DIP2B: variants seen among roughly 807,000 people sequenced by gnomAD.
The protein encoded by DIP2B is DIP2 acetate--CoA ligase B (putative).
DIP2B carries 76 observed loss-of-function variants against 198.0 expected under a neutral mutation model. The observed-to-expected ratio is 0.38, with a 90% confidence interval of 0.32 to 0.46. The LOEUF (loss-of-function observed/expected upper bound fraction) is 0.46, where lower values mean the gene tolerates loss of function less well. Among genes scored for constraint, DIP2B ranks in the 20% least tolerant of loss-of-function variants. The pLI, the probability that DIP2B is intolerant of heterozygous loss-of-function variation, is 0.99. For synonymous variants in DIP2B, 701 were observed against 739.1 expected, an observed-to-expected ratio of 0.95 and a Z score of 0.84; for missense variants, 1,559 against 1,978.4, an observed-to-expected ratio of 0.79 and a Z score of 4.02.
chr12:50,556,933 C>A (rs916670327), intron 1 of DIP2B, among the ~76,000 whole-genome samples: 1 of 152,136 alleles, frequency 6.6e-6, no homozygotes, highest in African/African-American at 2.4e-5. Flanking sequence ...TGGTCTTGAA[C>A]TCCTGACCTC....
intron 1 of DIP2B, among the ~76,000 whole-genome samples, chr12:50,508,060 A>G (rs1957983650): frequency 6.6e-6 from 1 of 152,198 alleles, no homozygotes; most frequent in Non-Finnish European, 1.5e-5. Context: ...GCTGAAATGC[A>G]GGTTTGTGCC....
At chr12:50,570,050 A>G (rs1958599626) in intron 1 of DIP2B, among the ~76,000 whole-genome samples, 1 of 152,142 alleles carries the variant, frequency 6.6e-6, no homozygotes, top group Non-Finnish European at 1.5e-5. Flanking sequence ...TGATTCCTTT[A>G]TGAGAGATTC....
intron 5 of DIP2B, among the ~76,000 whole-genome samples, chr12:50,672,562 G>A (rs768947517): frequency 2.0e-5 from 3 of 152,156 alleles, no homozygotes; most frequent in Non-Finnish European, 2.9e-5. Flanking sequence ...TCATCCAACC[G>A]TATATTTTTC....
At chr12:50,608,686 C>T (rs1346675611) in intron 1 of DIP2B, among the ~76,000 whole-genome samples, 1 of 151,588 alleles carries the variant, frequency 6.6e-6, no homozygotes, top group African/African-American at 2.4e-5. Context: ...CACAGTCTAT[C>T]GATCAACTAG....
At chr12:50,688,009 G>A (rs1033220714) in intron 12 of DIP2B, among the ~76,000 whole-genome samples, 1 of 151,818 alleles carries the variant, frequency 6.6e-6, no homozygotes, top group Non-Finnish European at 1.5e-5. Flanking sequence ...TCAGGAGTTC[G>A]AGACCAGACT....
At chr12:50,605,890 C>T (rs942503544) in intron 1 of DIP2B, among the ~76,000 whole-genome samples, 2 of 152,200 alleles carry the variant, frequency 1.3e-5, no homozygotes, top group Non-Finnish European at 1.5e-5. Context: ...AGCATGATCT[C>T]GGCTCACTGC....
rs202030186 is a variant in DIP2B, at chr12:50,675,454, A to G, written c.916+6A>G. 61 of 1,612,992 alleles carry G rather than the reference A, an allele frequency of 3.8e-5. No homozygotes were observed. The Middle Eastern group carries it at 8.2e-4, about 22-fold the overall frequency. On this transcript the variant is annotated splice_donor_region_variant and intron_variant, in intron 7 of 37. Transcript: ENST00000301180. ...CTCTGAAGAAATTGTGGAAGGTAGT[A>G]GTAAAAATACCAAAAACATATATTC...
chr12:50,566,106 G>A lies in DIP2B; in HGVS notation c.101-59870G>A, dbSNP rs1958561174. Among the ~76,000 whole-genome samples, 4 of 152,144 alleles carry A rather than the reference G, an allele frequency of 2.6e-5. No individual in the cohort carries two copies. In the South Asian group the frequency reaches 8.3e-4, roughly 32 times the overall value. On this transcript the variant is annotated intron_variant, in intron 1 of 37. Transcript: ENST00000301180. ...CACTCAGGCTGGAGTGCAGTGGCAT[G>A]ATTATGGCTCATTGCAGCCTCAACC...
chr12:50,689,289 C>T (rs1188058167), intron 12 of DIP2B, among the ~76,000 whole-genome samples: 1 of 146,856 alleles, frequency 6.8e-6, no homozygotes, highest in African/African-American at 2.4e-5. Context: ...GTCCCAGCTA[C>T]TTGGGAGGCT....
intron 30 of DIP2B, among the ~76,000 whole-genome samples, chr12:50,729,243 CTCTT>C (rs1939993180): frequency 6.6e-6 from 1 of 152,182 alleles, no homozygotes; most frequent in Non-Finnish European, 1.5e-5. Context: ...CTCCTGTTCT[CTCTT>C]TGTTAGGATA....
At chr12:50,681,342 G>A (rs1254865411) in intron 9 of DIP2B, among the ~76,000 whole-genome samples, 3 of 151,930 alleles carry the variant, frequency 2.0e-5, no homozygotes, top group Admixed American at 6.6e-5. Context: ...AGGTTAAGGC[G>A]GGAGGATTGC....
chr12:50,579,726 T>A (rs1958706168), intron 1 of DIP2B, among the ~76,000 whole-genome samples: 5 of 119,748 alleles, frequency 4.2e-5, no homozygotes, highest in African/African-American at 6.2e-5. Context: ...TATACATAGC[T>A]TCATGGACCC....
chr12:50,575,395 T>TG (rs199850782), intron 1 of DIP2B, among the ~76,000 whole-genome samples: 344 of 151,992 alleles, frequency 2.3e-3, no homozygotes, highest in African/African-American at 7.0e-3. Context: ...TGTTTTGTTT[T>TG]TTTTTGAGAC....
chr12:50,626,157 CA>C, intron 2 of DIP2B, 110 bp downstream of exon 2: 1 of 1,101,716 alleles, frequency 9.1e-7, no homozygotes, highest in Non-Finnish European at 1.3e-6. Context: ...CCTTCCTCAC[CA>C]GGGGAGAGAA....
At chr12:50,515,636 A>G (rs1442281774) in intron 1 of DIP2B, among the ~76,000 whole-genome samples, 2 of 150,840 alleles carry the variant, frequency 1.3e-5, no homozygotes, top group Admixed American at 6.6e-5. Flanking sequence ...GGTTTCTTCT[A>G]CTCTTTCTTT....
At chr12:50,579,984 T>C (rs373510756) in intron 1 of DIP2B, among the ~76,000 whole-genome samples, 2 of 149,196 alleles carry the variant, frequency 1.3e-5, no homozygotes, top group South Asian at 4.3e-4. Context: ...GAAATAACCA[T>C]GGGCACAAAG....
chr12:50,723,613 T>C (rs770174293), intron 27 of DIP2B, among the ~76,000 whole-genome samples: 10 of 152,142 alleles, frequency 6.6e-5, no homozygotes, highest in Admixed American at 1.3e-4. Flanking sequence ...TAGCCAGGCA[T>C]TGTGGCACTT....
Position 50,706,556 on chromosome 12 carries a change from G to C in DIP2B, c.2425G>C (p.Val809Leu). The C allele has an allele frequency of 6.2e-7, 1 of 1,614,070 alleles. No homozygotes were observed. The highest frequency in any genetic ancestry group is 8.5e-7 in the Non-Finnish European group (1 of 1,179,954). Residue 809 changes from valine to leucine, a missense_variant, in exon 21 of 38, where the codon GTT becomes CTT. Transcript: ENST00000301180. Reference protein sequence around the residue: ...FVGPGSLVFVVGKMDGLLMVS... With the variant: ...FVGPGSLVFVLGKMDGLLMVS... The stretch of plus-strand genomic sequence containing the variant: ...CTTTCAGGGTAGTTTGGTGTTCGTG[G>C]TTGGGAAAATGGATGGCTTACTGAT...
At chr12:50,536,493 A>AT (rs1179945786) in intron 1 of DIP2B, among the ~76,000 whole-genome samples, 2 of 152,046 alleles carry the variant, frequency 1.3e-5, no homozygotes, top group Non-Finnish European at 2.9e-5. Context: ...GAGAACCATC[A>AT]TTCCCTAATT....
Sources: allele counts gnomAD v4.1 joint callset (sites outside exome capture counted in the v4.1 genomes callset), GRCh38; gene constraint gnomAD v4.1.1; transcripts MANE v1.5; gene names NCBI Gene and HGNC (gene_info 2026-07-23, HGNC 2026-07-21).